The following EHMT1 variants were observed in gnomAD, a reference collection of about 807,000 sequenced individuals.
EHMT1 encodes histone-lysine N-methyltransferase EHMT1.
A neutral mutation model predicts 147.2 loss-of-function variants in EHMT1; 15 were observed. The ratio of observed to expected loss-of-function variants is 0.10; its 90% confidence interval spans 0.07 to 0.16. The LOEUF is 0.16. Among genes scored for constraint, EHMT1 ranks in the 10% least tolerant of loss-of-function variants. The pLI is 1.00. For missense variants in EHMT1, 1,587 were observed against 1,772.4 expected (o/e 0.90, Z 1.88); for synonymous variants, 795 against 709.6 (o/e 1.12, Z -1.91).
Position 137,732,330 on chromosome 9 carries a change from A to G in EHMT1, c.823+3801A>G, listed in dbSNP as rs143427017. ...AGTGAACCGGCCAGGAACATGTTAC[A>G]GCCCTTTTTGCACCCGCTGTTGCGT... On this transcript the variant is annotated intron_variant, in intron 4 of 26. Coordinates refer to ENST00000460843, the MANE Select transcript of EHMT1 (RefSeq NM_024757.5). This position sits in a 1 kb window ranked among gnomAD's most constrained non-coding sequence, Gnocchi z 4.6. Among the ~76,000 whole-genome samples the G allele has an allele frequency of 0.016, 2,512 of 152,364 alleles. 178 individuals carry two copies. Among genetic ancestry groups the G allele is most frequent in the Admixed American group, 0.12 (1,877 of 15,306 alleles).
At chr9:137,696,477 TAAAG>T (rs929441443) in intron 1 of EHMT1, among the ~76,000 whole-genome samples, 1 of 152,186 alleles carries the variant, frequency 6.6e-6, no homozygotes. Context: ...TTGACTAGAA[TAAAG>T]AAAAATCTCC....
intron 16 of EHMT1, among the ~76,000 whole-genome samples, chr9:137,791,470 G>T (rs1262302847): frequency 6.6e-6 from 1 of 152,134 alleles, no homozygotes; most frequent in Non-Finnish European, 1.5e-5. Flanking sequence ...TTTGAATGAA[G>T]TATTCAAAAA....
intron 3 of EHMT1, among the ~76,000 whole-genome samples, chr9:137,722,246 TA>T (rs1325518117): frequency 6.6e-6 from 1 of 152,196 alleles, no homozygotes; most frequent in Admixed American, 6.5e-5. Flanking sequence ...TACATTCCTT[TA>T]GGGAAAAAAA....
At chr9:137,629,643 T>G (rs1843493305) in intron 1 of EHMT1, among the ~76,000 whole-genome samples, 1 of 152,194 alleles carries the variant, frequency 6.6e-6, no homozygotes, top group Admixed American at 6.5e-5. Context: ...TCTGCCCGCC[T>G]CTGCCTCCCA....
intron 16 of EHMT1, among the ~76,000 whole-genome samples, chr9:137,794,918 C>A (rs182766056): frequency 6.6e-6 from 1 of 152,068 alleles, no homozygotes; most frequent in Non-Finnish European, 1.5e-5. Context: ...GAAAACTTAG[C>A]GCGTTGGGAA....
chr9:137,755,969 T>C (rs1949348040), intron 8 of EHMT1, among the ~76,000 whole-genome samples: 1 of 152,266 alleles, frequency 6.6e-6, no homozygotes, highest in African/African-American at 2.4e-5. Flanking sequence ...GTGGATGTTT[T>C]GCATGTATTT....
chr9:137,639,783 C>T (rs1412381328), intron 1 of EHMT1, among the ~76,000 whole-genome samples: 1 of 152,048 alleles, frequency 6.6e-6, no homozygotes, highest in Non-Finnish European at 1.5e-5. Context: ...ATTTTTCTTA[C>T]CTGATAGAAG....
At chr9:137,669,183 G>A (rs1329639679) in intron 1 of EHMT1, among the ~76,000 whole-genome samples, 1 of 152,080 alleles carries the variant, frequency 6.6e-6, no homozygotes, top group African/African-American at 2.4e-5. Flanking sequence ...CACTGTTCCC[G>A]GCCTAGAAGT....
In EHMT1 at chr9:137,794,619, C is replaced by G. The variant is rs112949742; in HGVS notation, c.2505+3649C>G. ...CTGGATTAGCACCACTGCACTTTAG[C>G]CCGGGCGACAGAGTGAGACCCCATC... On this transcript the variant is annotated intron_variant, in intron 16 of 26. Coordinates refer to ENST00000460843, the MANE Select transcript of EHMT1 (RefSeq NM_024757.5). Among the ~76,000 whole-genome samples, 8 of 150,588 alleles carry G rather than the reference C, an allele frequency of 5.3e-5. No individual in the cohort carries two copies. The East Asian group carries it at 1.5e-3, about 29-fold the overall frequency.
At position 137,800,937 on chromosome 9, in the gene EHMT1, G is replaced by A. The variant is rs775400731; in HGVS notation, c.2665G>A (p.Val889Met). 28 of 1,614,026 alleles carry A rather than the reference G, an allele frequency of 1.7e-5. No homozygotes were observed. Among genetic ancestry groups the A allele is most frequent in the East Asian group, 1.6e-4 (7 of 44,890 alleles). ...CACAGAGTACAAGCACGTGGACCTC[G>A]TGAAGCTGCTGCTGTCCAAGGGCTC... ...WATEYKHVDL[V>M]KLLLSKGSDI... is the part of the protein sequence containing the mutation. Residue 889 changes from valine (V) to methionine (M), a missense_variant, in exon 18 of 27, where the codon GTG (valine) becomes ATG (methionine). Around this residue, in one of 7 missense-constraint regions of EHMT1, gnomAD observed 201 missense variants for 350.1 expected, o/e 0.57. Transcript: ENST00000460843.
chr9:137,743,402 A>G lies in EHMT1; in HGVS notation c.855A>G (p.Val285=), dbSNP rs1259987092. Residue 285 remains valine (V), a synonymous_variant, in exon 5 of 27, where the codon GTA becomes GTG. Transcript: ENST00000460843. Reference sequence around the variant, plus strand: ...TGCCTTTTGTTTTAGCAGCTGCAGTATCTCGGAAGAAAAAACGAAGAATGG... The same window carrying G: ...TGCCTTTTGTTTTAGCAGCTGCAGTGTCTCGGAAGAAAAAACGAAGAATGG... ...ACLPFVLAAA[V]SRKKKRRMGT... 6.2e-7 allele frequency: 1 copy of G among 1,602,794 alleles called. No homozygotes were observed. Among genetic ancestry groups the G allele is most frequent in the Admixed American group, 1.7e-5 (1 of 58,950 alleles).
intron 8 of EHMT1, among the ~76,000 whole-genome samples, chr9:137,754,750 C>G (rs994900792): frequency 2.0e-5 from 3 of 152,156 alleles, no homozygotes; most frequent in African/African-American, 7.2e-5. Context: ...CTCCTGAGCT[C>G]AAGCGATCTG....
chr9:137,829,245 A>T (rs1031774123), intron 25 of EHMT1, among the ~76,000 whole-genome samples: 5 of 152,214 alleles, frequency 3.3e-5, no homozygotes, highest in African/African-American at 1.2e-4. Context: ...TAAAAAATAG[A>T]AGAAAAATGT....
intron 1 of EHMT1, among the ~76,000 whole-genome samples, chr9:137,644,200 G>A (rs887967779): frequency 6.6e-6 from 1 of 152,170 alleles, no homozygotes. Flanking sequence ...AAGCTGCTCA[G>A]CTTTCTTATG....
chr9:137,669,737 A>G (rs1940320092), intron 1 of EHMT1, among the ~76,000 whole-genome samples: 1 of 152,090 alleles, frequency 6.6e-6, no homozygotes, highest in South Asian at 2.1e-4. Context: ...TTTTTTAAAA[A>G]AAAATTAATC....
At chr9:137,730,918 A>G (rs958048251) in intron 4 of EHMT1, among the ~76,000 whole-genome samples, 2 of 152,076 alleles carry the variant, frequency 1.3e-5, no homozygotes, top group African/African-American at 2.4e-5. Context: ...TTTTTTTGCT[A>G]TTTGACGTAA....
At chr9:137,744,278 C>T (rs1176990653) in intron 6 of EHMT1, among the ~76,000 whole-genome samples, 188 bp downstream of exon 6, 4 of 151,688 alleles carry the variant, frequency 2.6e-5, no homozygotes, top group Admixed American at 2.0e-4. Context: ...ATTTATGTTT[C>T]TGTACATCAT....
chr9:137,635,819 AAAAAC>A (rs1195898112), intron 1 of EHMT1, among the ~76,000 whole-genome samples: 4 of 151,914 alleles, frequency 2.6e-5, no homozygotes, highest in Admixed American at 6.6e-5. Context: ...GACTGTCTCA[AAAAAC>A]AAAACAAAAC....
rs958484352 is a variant in EHMT1 at position 137,825,796 on chromosome 9, C to T, written c.3540+7658C>T. Among the ~76,000 whole-genome samples, 11 of 152,248 alleles carry T rather than the reference C, an allele frequency of 7.2e-5. No individual in the cohort carries two copies. In the South Asian group the frequency reaches 8.3e-4, roughly 11 times the overall value. ...CGTGTCATCACCACGCAGGCTGCCC[C>T]GGTCCCCTTGGTTTCACTTCTCATT... On this transcript the variant is annotated intron_variant, in intron 25 of 26. Transcript: ENST00000460843.
Sources: gnomAD v4.1 joint callset for allele counts (sites outside exome capture counted in the v4.1 genomes callset) on GRCh38, gnomAD v4.1.1 for gene constraint, gnomAD v4.1.1 regional missense constraint, Gnocchi (gnomAD v3.1) non-coding constraint, MANE v1.5 for transcripts, NCBI Gene and HGNC (gene_info 2026-07-23, HGNC 2026-07-21) for gene names.